Variants in DVL1 observed in about 807,000 individuals in gnomAD.
DVL1 encodes segment polarity protein dishevelled homolog DVL-1.
In DVL1, 49 loss-of-function variants were observed where a neutral mutation model predicts 65.0. That is an observed-to-expected ratio of 0.75 (90% confidence interval 0.60 to 0.96). The LOEUF (loss-of-function observed/expected upper bound fraction) is 0.96, where lower values mean the gene tolerates loss of function less well. Among genes scored for constraint, DVL1 ranks in the 40% least tolerant of loss-of-function variants. The probability of loss-of-function intolerance (pLI) is 0.00; values close to 1 mark genes in which losing one functional copy is unlikely to be tolerated. For missense variants in DVL1, 1,197 were observed against 1,045.4 expected (o/e 1.15, Z -2.00); for synonymous variants, 608 against 433.9 (o/e 1.40, Z -4.99).
At chr1:1,339,223 G>A in intron 11 of DVL1, 64 bp downstream of exon 11, 1 of 1,542,486 alleles carries the variant, frequency 6.5e-7, no homozygotes, top group East Asian at 2.4e-5. Flanking sequence ...CCATGCTGGA[G>A]GCTGGCAGAG....
chr1:1,341,462 A>G (rs571175899), intron 5 of DVL1, among the ~76,000 whole-genome samples: 11 of 152,174 alleles, frequency 7.2e-5, no homozygotes, highest in African/African-American at 1.7e-4. Flanking sequence ...ACAGGCGCGC[A>G]CACACGTGCA....
intron 1 of DVL1, among the ~76,000 whole-genome samples, chr1:1,347,526 T>C (rs534200756): frequency 1.3e-5 from 2 of 152,358 alleles, no homozygotes; most frequent in African/African-American, 4.8e-5. Flanking sequence ...ACCTGGGGGC[T>C]GGGCACCTCC....
intron 14 of DVL1, among the ~76,000 whole-genome samples, 180 bp from the exon 15 acceptor site, chr1:1,336,695 G>A (rs1287061556): frequency 6.6e-6 from 1 of 152,212 alleles, no homozygotes; most frequent in Non-Finnish European, 1.5e-5. Context: ...GGCAGCTGCG[G>A]CAGGCATGGG....
chr1:1,339,701 C>T (rs781187339), intron 9 of DVL1, 35 bp downstream of exon 9: 6 of 1,612,772 alleles, frequency 3.7e-6, no homozygotes, highest in East Asian at 2.2e-5. Context: ...ACCTCCCTGC[C>T]TGGCCCCTCC....
intron 5 of DVL1, among the ~76,000 whole-genome samples, chr1:1,340,947 GCACCCCTGCACACTA>G (rs1643788359): frequency 8.5e-6 from 1 of 118,048 alleles, no homozygotes; most frequent in Admixed American, 9.2e-5. Flanking sequence ...CTGCACACAC[GCACCCCTGCACACTA>G]CACACCTGCA....
intron 14 of DVL1, chr1:1,337,754 C>T (rs1361665536): frequency 5.7e-6 from 4 of 699,494 alleles, no homozygotes; most frequent in African/African-American, 3.5e-5. Context: ...CTGGATCCCC[C>T]TGGCACTTGC....
chr1:1,340,082 C>G lies in DVL1; in HGVS notation c.865G>C (p.Val289Leu). 6.2e-7 allele frequency: 1 copy of G among 1,613,146 alleles called. No individual in the cohort carries two copies. ...GGCTCGATGCGGCCGTCAGCGGCCA[C>G]AGCCCCGCCCTTCATGATGGAGCCA... ...YIGSIMKGGA[V>L]AADGRIEPGD... Residue 289 changes from valine to leucine, a missense_variant, in exon 8 of 15, where the codon GTG becomes CTG. Val to Leu is a conservative substitution (Grantham distance 32). Transcript: ENST00000378888.
intron 13 of DVL1, 40 bp downstream of exon 13, chr1:1,338,229 T>TTCCCC: frequency 6.6e-7 from 1 of 1,522,372 alleles, no homozygotes; most frequent in Non-Finnish European, 9.0e-7. Context: ...CCTCCGGCGT[T>TTCCCC]CCCCTCCCCC....
intron 1 of DVL1, 43 bp downstream of exon 1, chr1:1,348,853 C>G (rs1277282654): frequency 6.8e-7 from 1 of 1,465,846 alleles, no homozygotes; most frequent in African/African-American, 1.5e-5. Context: ...GGTGCGACCC[C>G]CGAGCCCGCG....
At position 1,339,340 on chromosome 1, in the gene DVL1, G is replaced by C; in HGVS notation, c.1154C>G (p.Ala385Gly). 1.9e-6 allele frequency: 3 copies of C among 1,548,690 alleles called. No individual in the cohort carries two copies. Among genetic ancestry groups the C allele is most frequent in the Non-Finnish European group, 2.6e-6 (3 of 1,146,888 alleles). The change falls in exon 11 of 15, where the codon GCC becomes GGC. Residue 385 changes from alanine (A) to glycine (G), a missense_variant. Coordinates refer to ENST00000378888, the MANE Select transcript of DVL1 (RefSeq NM_001330311.2). ...TGAGGAGGAGCTGGTGCGCGTGACG[G>C]CGCTGGAGCAGGGACTCGTACCGTA... ...PRYGTSPCSSAVTRTSSSSLT... is the reference protein window; with the variant it reads ...PRYGTSPCSSGVTRTSSSSLT...
chr1:1,342,885 C>T (rs1322613878), intron 1 of DVL1, 127 bp from the exon 2 acceptor site: 1 of 871,036 alleles, frequency 1.1e-6, no homozygotes, highest in African/African-American at 1.7e-5. Flanking sequence ...CCTGCTAGCG[C>T]ATTCTCCTCT....
At chr1:1,341,857 G>A in intron 4 of DVL1, 52 bp from the exon 5 acceptor site, 1 of 1,518,702 alleles carries the variant, frequency 6.6e-7, no homozygotes, top group Non-Finnish European at 8.9e-7. Context: ...AGAGGTCATG[G>A]GTTTGGGGCT....
At position 1,340,305 on chromosome 1, in the gene DVL1, G is replaced by C. The variant is rs745841103; in HGVS notation, c.711C>G (p.Phe237Leu). Residue 237 changes from phenylalanine (F) to leucine (L), a missense_variant, in exon 7 of 15, where the codon TTC (phenylalanine) becomes TTG (leucine). Coordinates refer to ENST00000378888, the MANE Select transcript of DVL1 (RefSeq NM_001330311.2). ...ACATGGTGGAGTCGGTTATGCTGCT[G>C]AAGGAGGAGGCCTATGGAGGAGAGG... ...RLRQADRASS[F>L]SSITDSTMSL... 3.7e-6 allele frequency: 6 copies of C among 1,614,008 alleles called. No homozygotes were observed. In the Admixed American group the frequency reaches 5.0e-5, roughly 13 times the overall value.
chr1:1,347,323 C>G (rs1643930628), intron 1 of DVL1, among the ~76,000 whole-genome samples: 1 of 152,210 alleles, frequency 6.6e-6, no homozygotes, highest in Non-Finnish European at 1.5e-5. Flanking sequence ...CCTCGACACC[C>G]AGACCTGCCC....
In DVL1 at chr1:1,338,336, C is replaced by T; in HGVS notation, c.1440G>A (p.Leu480=). 6.2e-7 allele frequency: 1 copy of T among 1,612,766 alleles called. No homozygotes were observed. Among genetic ancestry groups the T allele is most frequent in the African/African-American group, 1.3e-5 (1 of 74,962 alleles). The change falls in exon 13 of 15, where the codon CTG becomes CTA. Residue 480 remains leucine (L), a synonymous_variant. Coordinates refer to ENST00000378888, the MANE Select transcript of DVL1 (RefSeq NM_001330311.2). Reference sequence around the variant, plus strand: ...AGGTGATCTTGTTGACCGTGTGCCGCAGGAAGCCGTGCTTCAGCAAGCTGC... The same window carrying T: ...AGGTGATCTTGTTGACCGTGTGCCGTAGGAAGCCGTGCTTCAGCAAGCTGC... The part of the protein sequence containing the change: ...YASSLLKHGF[L]RHTVNKITFS...
rs750112275 is a variant in DVL1, at chr1:1,342,154, G to A, written c.365C>T (p.Pro122Leu). 23 of 1,559,930 alleles carry A rather than the reference G, an allele frequency of 1.5e-5. No individual in the cohort carries two copies. Among genetic ancestry groups the A allele is most frequent in the African/African-American group, 1.1e-4 (8 of 73,900 alleles). Residue 122 changes from proline (P) to leucine (L), a missense_variant and splice_region_variant, in exon 4 of 15, where the codon CCA becomes CTA. Physicochemically the swap from Pro to Leu is moderately conservative, Grantham distance 98. Coordinates refer to ENST00000378888, the MANE Select transcript of DVL1 (RefSeq NM_001330311.2). ...IGDSRPPSFH[P>L]NVASSRDGMD... ...CCCGTCACGGCTGCTGGCCACATTT[G>A]GGCTGTGCAACAAGAGCAGGGTGGG...
chr1:1,342,161 G>A lies in DVL1; in HGVS notation c.363-5C>T. Reference sequence around the variant, plus strand: ...CGGCTGCTGGCCACATTTGGGCTGTGCAACAAGAGCAGGGTGGGTGGGGAG... The same window carrying A: ...CGGCTGCTGGCCACATTTGGGCTGTACAACAAGAGCAGGGTGGGTGGGGAG... On this transcript the variant is annotated splice_region_variant and splice_polypyrimidine_tract_variant and intron_variant, in intron 3 of 14. Coordinates refer to ENST00000378888, the MANE Select transcript of DVL1 (RefSeq NM_001330311.2). 1 of 1,555,114 alleles carries A rather than the reference G, an allele frequency of 6.4e-7. No individual in the cohort carries two copies. Among genetic ancestry groups the A allele is most frequent in the Non-Finnish European group, 8.7e-7 (1 of 1,149,250 alleles).
At position 1,338,076 on chromosome 1, in the gene DVL1, G is replaced by T. The variant is rs141914568; in HGVS notation, c.1615C>A (p.Pro539Thr). 5 of 1,610,802 alleles carry T rather than the reference G, an allele frequency of 3.1e-6. No homozygotes were observed. In the African/African-American group the frequency reaches 4.0e-5, roughly 13 times the overall value. ...AAPWPLGQGY[P>T]YQYPGPPPCF... ...GGTGGGGGTCCCGGGTACTGGTAGG[G>T]GTAGCCCTGACCCAGAGGCCAGGGG... The change falls in exon 14 of 15, where the codon CCC becomes ACC. Residue 539 changes from proline to threonine, a missense_variant. Coordinates refer to ENST00000378888, the MANE Select transcript of DVL1 (RefSeq NM_001330311.2).
At position 1,338,416 on chromosome 1, in the gene DVL1, G is replaced by A. The variant is rs1217960150; in HGVS notation, c.1360C>T (p.Leu454=). 6.2e-7 allele frequency: 1 copy of A among 1,611,878 alleles called. No homozygotes were observed. The highest frequency in any genetic ancestry group is 2.2e-5 in the East Asian group (1 of 44,868). ...TTGAAGCCCTCCACGTGTGTGTACA[G>A]CCAGTCCACCACGTCCGCCCCTGGC... ...AVIGADVVDW[L]YTHVEGFKER... Residue 454 remains leucine (L), a synonymous_variant, in exon 13 of 15, where the codon CTG becomes TTG. Coordinates refer to ENST00000378888, the MANE Select transcript of DVL1 (RefSeq NM_001330311.2).
Sources: gnomAD v4.1 joint callset for allele counts (sites outside exome capture counted in the v4.1 genomes callset) on GRCh38, gnomAD v4.1.1 for gene constraint, MANE v1.5 for transcripts, NCBI Gene and HGNC (gene_info 2026-07-23, HGNC 2026-07-21) for gene names.